FNDC3B: variants seen among roughly 807,000 people sequenced by gnomAD.
The protein encoded by FNDC3B is fibronectin type III domain-containing protein 3B.
A neutral mutation model predicts 151.5 loss-of-function variants in FNDC3B; 12 were observed. The ratio of observed to expected loss-of-function variants is 0.08; its 90% CI spans 0.05 to 0.13. The LOEUF is 0.13. Ranked by LOEUF, FNDC3B falls within the 10% of genes least tolerant of loss-of-function variation. The pLI, the probability that FNDC3B is intolerant of heterozygous loss-of-function variation, is 1.00. For missense variants in FNDC3B, 1,214 were observed against 1,505.3 expected (o/e 0.81, Z 3.20); for synonymous variants, 528 against 549.0 (o/e 0.96, Z 0.54).
At chr3:172,168,014 G>A (rs949498090) in intron 3 of FNDC3B, among the ~76,000 whole-genome samples, 6 of 152,172 alleles carry the variant, frequency 3.9e-5, no homozygotes, top group African/African-American at 1.4e-4. Context: ...ATATTCCAGT[G>A]GTGTTTACCT....
intron 24 of FNDC3B, among the ~76,000 whole-genome samples, chr3:172,379,099 T>A (rs1287959988): frequency 6.6e-6 from 1 of 152,186 alleles, no homozygotes; most frequent in African/African-American, 2.4e-5. Context: ...CAGCCTGTTA[T>A]ATAGCCACAG....
At chr3:172,078,415 T>G (rs1482693505) in intron 1 of FNDC3B, among the ~76,000 whole-genome samples, 1 of 152,238 alleles carries the variant, frequency 6.6e-6, no homozygotes, top group African/African-American at 2.4e-5. Flanking sequence ...ATAGCTGTTT[T>G]GTACTATGGA....
At chr3:172,209,261 C>T (rs1047598526) in intron 3 of FNDC3B, among the ~76,000 whole-genome samples, 5 of 152,104 alleles carry the variant, frequency 3.3e-5, no homozygotes, top group East Asian at 3.9e-4. Flanking sequence ...TGGCAGAGGG[C>T]GGGAGGGCTG....
At chr3:172,355,521 G>T (rs115650395) in intron 22 of FNDC3B, among the ~76,000 whole-genome samples, 2,900 of 152,264 alleles carry the variant, frequency 0.019, 98 homozygotes, top group African/African-American at 0.066. Context: ...AATCTAGGGG[G>T]GGGGCCTAGC....
chr3:172,291,223 CAT>C (rs991584304), intron 7 of FNDC3B, among the ~76,000 whole-genome samples: 2 of 152,126 alleles, frequency 1.3e-5, no homozygotes, highest in Non-Finnish European at 2.9e-5. Flanking sequence ...TATACACACA[CAT>C]ATAGAACAAC....
At chr3:172,147,925 C>T (rs1459160493) in intron 3 of FNDC3B, among the ~76,000 whole-genome samples, 1 of 152,074 alleles carries the variant, frequency 6.6e-6, no homozygotes, top group Non-Finnish European at 1.5e-5. Flanking sequence ...GAAAAATTGA[C>T]TTAAAAGATT....
At chr3:172,345,589 C>T (rs780799666) in intron 19 of FNDC3B, among the ~76,000 whole-genome samples, 35 of 152,132 alleles carry the variant, frequency 2.3e-4, no homozygotes, top group Non-Finnish European at 4.1e-4. Flanking sequence ...TGTTTCCCCC[C>T]TCCCCGCCGT....
At chr3:172,328,767 A>G (rs1732482912) in intron 11 of FNDC3B, among the ~76,000 whole-genome samples, 185 bp from the exon 12 acceptor site, 1 of 152,082 alleles carries the variant, frequency 6.6e-6, no homozygotes, top group African/African-American at 2.4e-5. Flanking sequence ...TAGAGATGAG[A>G]TTTCATTGTA....
intron 6 of FNDC3B, among the ~76,000 whole-genome samples, chr3:172,253,069 A>G (rs4243400): frequency 0.59 from 89,752 of 152,084 alleles, 28,288 homozygotes; most frequent in African/African-American, 0.84. Flanking sequence ...CCGAAGAAAA[A>G]CGAGAGAGAA....
rs1736404837 is a variant in FNDC3B at position 172,398,578 on chromosome 3, A to G, written c.*1103A>G. ...AGAGTCATCTAAATTTGTAGTTCCT[A>G]TTTCTGTGGGTTTGCCTGGCCATGG... On this transcript the variant is annotated 3_prime_UTR_variant, in exon 26 of 26. Transcript: ENST00000415807. The G allele has an allele frequency of 6.6e-6, 1 of 152,120 alleles. No individual in the cohort carries two copies. Among genetic ancestry groups the G allele is most frequent in the Admixed American group, 6.5e-5 (1 of 15,276 alleles). 9.4% of individuals were successfully genotyped at this position (152,120 alleles called of 1,614,324 possible).
intron 3 of FNDC3B, among the ~76,000 whole-genome samples, chr3:172,141,816 A>T (rs1042090708): frequency 2.0e-5 from 3 of 151,852 alleles, no homozygotes; most frequent in African/African-American, 4.8e-5. Flanking sequence ...GTGCCATTGC[A>T]CTCCAGCCTG....
chr3:172,098,632 A>G (rs1293995489), intron 1 of FNDC3B, among the ~76,000 whole-genome samples: 1 of 152,220 alleles, frequency 6.6e-6, no homozygotes. Flanking sequence ...GAGAAAAACA[A>G]TTATGGCTTA....
At chr3:172,389,283 GTTACTTTC>G (rs2108387310) in intron 25 of FNDC3B, among the ~76,000 whole-genome samples, 1 of 152,090 alleles carries the variant, frequency 6.6e-6, no homozygotes, top group Admixed American at 6.5e-5. Flanking sequence ...GCTCATCTTT[GTTACTTTC>G]TTTGAACCTG....
In FNDC3B at chr3:172,333,094, C is replaced by A. The variant is rs1560083850; in HGVS notation, c.1560C>A (p.Asn520Lys). Residue 520 changes from asparagine (N) to lysine (K), a missense_variant, in exon 14 of 26, where the codon AAC becomes AAA. Asn to Lys is a moderately conservative substitution (Grantham distance 94). Coordinates refer to ENST00000415807, the MANE Select transcript of FNDC3B (RefSeq NM_022763.4). The part of the protein sequence containing the change: ...TLEIQEDEND[N>K]LFHPKYTGED... ...TCCTGGCTTTGCCTTTTCAGGATAA[C>A]CTTTTCCACCCAAAATACACTGGAG... The A allele has an allele frequency of 6.2e-7, 1 of 1,609,950 alleles. No homozygotes were observed. The highest frequency in any genetic ancestry group is 8.5e-7 in the Non-Finnish European group (1 of 1,176,232).
intron 2 of FNDC3B, 135 bp from the exon 3 acceptor site, chr3:172,133,336 T>G (rs984351442): frequency 1.5e-6 from 1 of 677,876 alleles, no homozygotes; most frequent in African/African-American, 1.8e-5. Flanking sequence ...CAATTAAGAC[T>G]TATACTCCAA....
In FNDC3B at chr3:172,040,930, G is replaced by T. The variant is rs960699707; in HGVS notation, c.-29+1159G>T. 6.6e-6 allele frequency among the ~76,000 whole-genome samples: 1 copy of T among 152,178 alleles called. No homozygotes were observed. On this transcript the variant is annotated intron_variant, in intron 1 of 25. Transcript: ENST00000415807. The surrounding 1 kb of genome is among the most constrained non-coding windows in gnomAD (Gnocchi z 6.6). ...GGCGGGGAGGCTTCCAGGAGTGCGC[G>T]GTCGGAGTTGGAGCTTTTGGAATCT...
intron 3 of FNDC3B, among the ~76,000 whole-genome samples, chr3:172,221,147 G>C (rs764586904): frequency 6.6e-6 from 1 of 150,474 alleles, no homozygotes; most frequent in Non-Finnish European, 1.5e-5. Flanking sequence ...TACCTTGCAG[G>C]TTTACTGAAT....
At chr3:172,171,126 G>GGA (rs1362098669) in intron 3 of FNDC3B, among the ~76,000 whole-genome samples, 1 of 152,170 alleles carries the variant, frequency 6.6e-6, no homozygotes, top group Non-Finnish European at 1.5e-5. Context: ...AATGGAAAGT[G>GGA]GAGGTTCCTG....
intron 3 of FNDC3B, among the ~76,000 whole-genome samples, chr3:172,160,329 C>T (rs1722706273): frequency 1.3e-5 from 2 of 152,164 alleles, no homozygotes; most frequent in Admixed American, 1.3e-4. Context: ...GCCTCTTGTG[C>T]CTCCCAGGGA....
Sources: gnomAD v4.1 joint callset for allele counts (sites outside exome capture counted in the v4.1 genomes callset) on GRCh38, gnomAD v4.1.1 for gene constraint, Gnocchi (gnomAD v3.1) non-coding constraint, MANE v1.5 for transcripts, NCBI Gene and HGNC (gene_info 2026-07-23, HGNC 2026-07-21) for gene names.